SANBR: variants seen among roughly 807,000 people sequenced by gnomAD.
SANBR encodes the protein SANT and BTB domain regulator of class switch recombination.
In SANBR, 77 loss-of-function variants were observed where a neutral mutation model predicts 101.8. That is an observed-to-expected ratio of 0.76 (90% confidence interval 0.63 to 0.91). The LOEUF (loss-of-function observed/expected upper bound fraction) is 0.91. SANBR is among the 40% of genes least tolerant of loss of function. SANBR has a pLI of 0.00. For missense variants in SANBR, 875 were observed against 853.0 expected (o/e 1.03, Z -0.32); for synonymous variants, 279 against 274.7 (o/e 1.02, Z -0.15).
intron 5 of SANBR, chr2:61,075,109 T>C (rs1247681442): frequency 2.0e-5 from 3 of 151,834 alleles, no homozygotes; most frequent in African/African-American, 7.3e-5. Flanking sequence ...TCCAATAATG[T>C]ACTTTTTTTT....
chr2:61,082,826 A>G (rs1682209591), intron 7 of SANBR, among the ~76,000 whole-genome samples: 1 of 152,192 alleles, frequency 6.6e-6, no homozygotes, highest in Non-Finnish European at 1.5e-5. Flanking sequence ...CTCAGAAAAA[A>G]AAAAGAAGTT....
At chr2:61,098,940 A>G (rs928679875) in intron 12 of SANBR, among the ~76,000 whole-genome samples, 1 of 152,248 alleles carries the variant, frequency 6.6e-6, no homozygotes, top group South Asian at 2.1e-4. Context: ...AATGTCTGTA[A>G]TAGGCTGGTA....
intron 11 of SANBR, 69 bp from the exon 12 acceptor site, chr2:61,097,631 C>T: frequency 4.1e-6 from 5 of 1,207,616 alleles, no homozygotes; most frequent in Non-Finnish European, 5.9e-6. Flanking sequence ...AATATTTGGT[C>T]TTAAGTATTT....
chr2:61,076,201 G>A (rs1436448934), intron 5 of SANBR, among the ~76,000 whole-genome samples: 1 of 149,982 alleles, frequency 6.7e-6, no homozygotes, highest in African/African-American at 2.4e-5. Context: ...CACCATGTTA[G>A]CCAAGATGGT....
chr2:61,114,536 C>T (rs1039267072), intron 16 of SANBR, among the ~76,000 whole-genome samples: 2 of 152,188 alleles, frequency 1.3e-5, no homozygotes, highest in Non-Finnish European at 1.5e-5. Flanking sequence ...ACCTTCTGGC[C>T]TTCTAAGAAA....
intron 8 of SANBR, among the ~76,000 whole-genome samples, chr2:61,084,830 G>A (rs1289380060): frequency 6.6e-6 from 1 of 152,130 alleles, no homozygotes; most frequent in Non-Finnish European, 1.5e-5. Flanking sequence ...GAAAGGGTTT[G>A]CACTAGGGTA....
At chr2:61,097,018 G>A (rs991247212) in intron 11 of SANBR, among the ~76,000 whole-genome samples, 2 of 152,112 alleles carry the variant, frequency 1.3e-5, no homozygotes, top group Non-Finnish European at 2.9e-5. Context: ...GCCAGGTGTG[G>A]TTGTGCGCGC....
chr2:61,080,032 A>G (rs1682017887), intron 6 of SANBR, among the ~76,000 whole-genome samples: 1 of 151,774 alleles, frequency 6.6e-6, no homozygotes, highest in Non-Finnish European at 1.5e-5. Flanking sequence ...CCCCGTCTCT[A>G]CTAAAAGTAC....
chr2:61,121,726 G>T (rs1684338901), intron 21 of SANBR, among the ~76,000 whole-genome samples: 2 of 152,090 alleles, frequency 1.3e-5, no homozygotes, highest in African/African-American at 4.8e-5. Flanking sequence ...CAGTTACTGA[G>T]ATTTGAACAT....
chr2:61,112,710 T>A (rs1683891066), intron 16 of SANBR, among the ~76,000 whole-genome samples: 1 of 152,212 alleles, frequency 6.6e-6, no homozygotes. Flanking sequence ...GCGGAGCTGG[T>A]CTCGAACTCC....
Position 61,076,297 on chromosome 2 carries a change from A to G in SANBR, c.432-623A>G, listed in dbSNP as rs115662054. 3.8e-3 allele frequency among the ~76,000 whole-genome samples: 567 copies of G among 150,142 alleles called. 4 individuals are homozygous for G. Among genetic ancestry groups the G allele is most frequent in the African/African-American group, 0.012 (490 of 41,056 alleles). On this transcript the variant is annotated intron_variant, in intron 5 of 21. Transcript: ENST00000402291. The stretch of plus-strand genomic sequence containing the variant: ...TGTGAGCCACCGTGTGCGGCCATAA[A>G]CTTTATTTTTAATGTATAACTTGAA...
rs573262958 is a variant in SANBR at position 61,092,789 on chromosome 2, C to T, written c.1212+202C>T. ...ACCAAGGCAGGTGGATCGTTTTAGC[C>T]CAGGAGTTCAATACCAGCCTGGGTG... On this transcript the variant is annotated intron_variant, in intron 11 of 21. Coordinates refer to ENST00000402291, the MANE Select transcript of SANBR (RefSeq NM_001129993.3). Among the ~76,000 whole-genome samples, 8 of 151,952 alleles carry T rather than the reference C, an allele frequency of 5.3e-5. 1 individual carries two copies. The highest frequency in any genetic ancestry group is 4.2e-4 in the South Asian group (2 of 4,816).
chr2:61,103,735 A>G, intron 12 of SANBR, 118 bp from the exon 13 acceptor site: 1 of 929,910 alleles, frequency 1.1e-6, no homozygotes, highest in African/African-American at 1.7e-5. Flanking sequence ...TTTTCTTGAG[A>G]AAAAGTTATA....
chr2:61,134,161 G>C (rs13424173), exon 21 of SANBR: 1 of 1,613,924 alleles, frequency 6.2e-7, no homozygotes. Context: ...ACCCAGAGAC[G>C]GCACTGTGTC....
Position 61,088,248 on chromosome 2 carries a change from A to G in SANBR, c.977+3A>G. Reference sequence around the variant, plus strand: ...AGTAATGCAGCAACATTGTATAGGTATGCTAACATGTTTTTTTCTTTGGTG... The same window carrying G: ...AGTAATGCAGCAACATTGTATAGGTGTGCTAACATGTTTTTTTCTTTGGTG... On this transcript the variant is annotated splice_donor_region_variant and intron_variant, in intron 9 of 21. Transcript: ENST00000402291. The G allele has an allele frequency of 6.3e-7, 1 of 1,599,090 alleles. No individual in the cohort carries two copies. Among genetic ancestry groups the G allele is most frequent in the South Asian group, 1.1e-5 (1 of 88,474 alleles).
intron 10 of SANBR, chr2:61,090,564 G>A (rs1559100890): frequency 6.6e-6 from 1 of 152,646 alleles, no homozygotes; most frequent in Admixed American, 6.6e-5. Flanking sequence ...GAATGCAGTG[G>A]CGGAATGCAG....
rs757121850 is a variant in SANBR, at chr2:61,066,041, C to A, written c.-147+14C>A. The A allele has an allele frequency of 6.6e-6, 1 of 152,026 alleles. No individual in the cohort carries two copies. Among genetic ancestry groups the A allele is most frequent in the African/African-American group, 2.4e-5 (1 of 41,382 alleles). 9.4% of individuals were successfully genotyped at this position (152,026 alleles called of 1,614,324 possible). The stretch of plus-strand genomic sequence containing the variant: ...GGCCCTGTGGAGGTGAGCGAGACGC[C>A]GAGGGGGCTCGGGTGCCCACCGCGG... On this transcript the variant is annotated intron_variant, in intron 1 of 21. Coordinates refer to ENST00000402291, the MANE Select transcript of SANBR (RefSeq NM_001129993.3).
chr2:61,073,627 A>C (rs750001932), intron 5 of SANBR, 76 bp downstream of exon 5: 3 of 805,600 alleles, frequency 3.7e-6, no homozygotes, highest in Non-Finnish European at 5.8e-6. Context: ...GGTGGTTACC[A>C]TAAGGTAGGA....
Position 61,071,755 on chromosome 2 carries a change from G to C in SANBR, c.300G>C (p.Gln100His). 6.2e-7 allele frequency: 1 copy of C among 1,603,884 alleles called. No individual in the cohort carries two copies. Among genetic ancestry groups the C allele is most frequent in the Non-Finnish European group, 8.5e-7 (1 of 1,177,170 alleles). ...TTCTTGACATACATGGAGAATTTCA[G>C]GAGACTCCAGTTGGACATGATGCAG... ...SSLLDIHGEF[Q>H]ETPVGHDAVS... is the part of the protein sequence containing the mutation. Residue 100 changes from glutamine (Q) to histidine (H), a missense_variant, in exon 4 of 22, where the codon CAG (glutamine) becomes CAC (histidine). Coordinates refer to ENST00000402291, the MANE Select transcript of SANBR (RefSeq NM_001129993.3).
Sources: gnomAD v4.1 joint callset for allele counts (sites outside exome capture counted in the v4.1 genomes callset) on GRCh38, gnomAD v4.1.1 for gene constraint, MANE v1.5 for transcripts, NCBI Gene and HGNC (gene_info 2026-07-23, HGNC 2026-07-21) for gene names.